AHNAK: variants seen among roughly 807,000 people sequenced by gnomAD.
The protein encoded by AHNAK is neuroblast differentiation-associated protein AHNAK.
In AHNAK, 23 loss-of-function variants were observed where a neutral mutation model predicts 37.8. The ratio of observed to expected loss-of-function variants is 0.61; its 90% CI spans 0.44 to 0.86. The LOEUF is 0.86. AHNAK is among the 40% of genes least tolerant of loss of function. The pLI is 0.00. For synonymous variants in AHNAK, 2,481 were observed against 2,636.3 expected (o/e 0.94, Z 1.80); for missense variants, 7,411 against 7,319.4 (o/e 1.01, Z -0.46).
Position 62,530,715 on chromosome 11 carries a change from G to A in AHNAK, c.3702C>T (p.Pro1234=). 2 of 1,613,526 alleles carry A rather than the reference G, an allele frequency of 1.2e-6. No homozygotes were observed. The highest frequency in any genetic ancestry group is 1.7e-6 in the Non-Finnish European group (2 of 1,179,922). The change falls in exon 5 of 5, where the codon CCC becomes CCT. Residue 1234 remains proline (P), a synonymous_variant. Transcript: ENST00000378024. ...CATCTGGGGCATCAATGTCCATTTT[G>A]GGTCCTTTGATTTCAACATCTGGCA... ...MKVPDVEIKG[P]KMDIDAPDVE... is the part of the protein sequence containing the mutation.
Position 62,518,083 on chromosome 11 carries a change from G to A in AHNAK, c.16334C>T (p.Pro5445Leu). ...GTCCACATTCGGTGCTGAAATCCGAGGCCCTTTCAGGTTCACATCCACACC... is the reference window on the plus strand; with the variant it reads ...GTCCACATTCGGTGCTGAAATCCGAAGCCCTTTCAGGTTCACATCCACACC... ...GPGVDVNLKG[P>L]RISAPNVDFN... The change falls in exon 5 of 5, where the codon CCT becomes CTT. Residue 5445 changes from proline (P) to leucine (L), a missense_variant. Physicochemically the swap from Pro to Leu is moderately conservative, Grantham distance 98. Transcript: ENST00000378024. 1 of 1,614,164 alleles carries A rather than the reference G, an allele frequency of 6.2e-7. No individual in the cohort carries two copies. The highest frequency in any genetic ancestry group is 8.5e-7 in the Non-Finnish European group (1 of 1,180,028).
intron 5 of AHNAK, among the ~76,000 whole-genome samples, chr11:62,439,062 T>G (rs1253228690): frequency 6.7e-6 from 1 of 149,886 alleles, no homozygotes; most frequent in African/African-American, 2.4e-5. Flanking sequence ...AGGAGAGGGA[T>G]GGACACCCAT....
chr11:62,460,556 T>C (rs1322545535), intron 5 of AHNAK, among the ~76,000 whole-genome samples: 1 of 152,188 alleles, frequency 6.6e-6, no homozygotes, highest in East Asian at 1.9e-4. Context: ...TTGGGTTGTA[T>C]GAAATAATTG....
chr11:62,444,744 C>T (rs1938389390), intron 5 of AHNAK, among the ~76,000 whole-genome samples: 1 of 152,206 alleles, frequency 6.6e-6, no homozygotes. Context: ...TACCTGATTT[C>T]ATCTGGGCAG....
rs80204399 is a variant in AHNAK at position 62,520,658 on chromosome 11, G to T, written c.13759C>A (p.His4587Asn). The change falls in exon 5 of 5, where the codon CAC becomes AAC. Residue 4587 changes from histidine to asparagine, a missense_variant. Coordinates refer to ENST00000378024, the MANE Select transcript of AHNAK (RefSeq NM_001620.3). ...KGPKFKMPDL[H>N]LKAPKISMPE... is the part of the protein sequence containing the mutation. ...ATAGAGATCTTCGGTGCCTTGAGGT[G>T]TAAGTCAGGCATTTTAAATTTGGGG... is the stretch of plus-strand genomic sequence containing the variant. 1.2e-6 allele frequency: 2 copies of T among 1,613,938 alleles called. No homozygotes were observed. Among genetic ancestry groups the T allele is most frequent in the Admixed American group, 1.7e-5 (1 of 60,006 alleles).
intron 4 of AHNAK, among the ~76,000 whole-genome samples, chr11:62,498,598 TAAA>T (rs753394652): frequency 2.5e-5 from 3 of 120,890 alleles, no homozygotes; most frequent in African/African-American, 6.1e-5. Context: ...AGACTCACTC[TAAA>T]AAAAAAAAAA....
chr11:62,463,222 A>G (rs1349817732), intron 5 of AHNAK, among the ~76,000 whole-genome samples: 1 of 151,862 alleles, frequency 6.6e-6, no homozygotes, highest in Non-Finnish European at 1.5e-5. Context: ...CATTTTAACC[A>G]TATTCCAGGA....
In AHNAK at chr11:62,520,713, G is replaced by A. The variant is rs12794015; in HGVS notation, c.13704C>T (p.Asp4568=). 6.2e-7 allele frequency: 1 copy of A among 1,614,016 alleles called. No individual in the cohort carries two copies. The highest frequency in any genetic ancestry group is 8.5e-7 in the Non-Finnish European group (1 of 1,180,002). Residue 4568 remains aspartate, a synonymous_variant, in exon 5 of 5, where the codon GAC becomes GAT. Coordinates refer to ENST00000378024, the MANE Select transcript of AHNAK (RefSeq NM_001620.3). ...TCAGTTTCCCTTCTGGACCATGAATGTCAATATCAGGAGTGTCAATGCCCA... is the reference window on the plus strand; with the variant it reads ...TCAGTTTCCCTTCTGGACCATGAATATCAATATCAGGAGTGTCAATGCCCA... ...PKVGIDTPDI[D]IHGPEGKLKG... is the part of the protein sequence containing the mutation.
Position 62,517,451 on chromosome 11 carries a change from C to G in AHNAK, c.16966G>C (p.Val5656Leu). 6.2e-7 allele frequency: 1 copy of G among 1,614,152 alleles called. No individual in the cohort carries two copies. The highest frequency in any genetic ancestry group is 1.1e-5 in the South Asian group (1 of 91,076). ...GGGATCTTCATTTTAGGGAATGTTA[C>G]TTTTCCAGATCCACTTTCCAAGTGA... ...QGHLESGSGK[V>L]TFPKMKIPKF... Residue 5656 changes from valine to leucine, a missense_variant, in exon 5 of 5, where the codon GTA becomes CTA. Physicochemically the swap from Val to Leu is conservative, Grantham distance 32. Coordinates refer to ENST00000378024, the MANE Select transcript of AHNAK (RefSeq NM_001620.3).
chr11:62,473,084 C>CAAAAAAAA lies in AHNAK; in HGVS notation c.442+18640_442+18647dup, dbSNP rs71056522. On this transcript the variant is annotated intron_variant, in intron 5 of 5. Coordinates refer to the AHNAK transcript ENST00000257247. ...TGGGCAACAGAGCAAGACTCCATCT[C>CAAAAAAAA]AAAAAAAAAAAAAAAAAAAAAAAAA... Among the ~76,000 whole-genome samples the CAAAAAAAA allele has an allele frequency of 2.3e-4, 4 of 17,294 alleles. 2 individuals are homozygous for CAAAAAAAA. Among genetic ancestry groups the CAAAAAAAA allele is most frequent in the African/African-American group, 1.1e-3 (4 of 3,668 alleles). The allele number at this position is 17,294 out of a possible 152,430, so 11.3% of individuals were successfully genotyped here.
intron 5 of AHNAK, among the ~76,000 whole-genome samples, chr11:62,462,552 T>C (rs1938815497): frequency 6.6e-6 from 1 of 152,216 alleles, no homozygotes; most frequent in African/African-American, 2.4e-5. Flanking sequence ...AACTAAGTTT[T>C]ACAGGTTAGA....
chr11:62,462,805 G>A (rs557573095), intron 5 of AHNAK, among the ~76,000 whole-genome samples: 1 of 152,282 alleles, frequency 6.6e-6, no homozygotes, highest in African/African-American at 2.4e-5. Context: ...AATAGATGAG[G>A]ATGGAGGAGC....
chr11:62,506,043 G>T (rs1264334347), intron 4 of AHNAK, among the ~76,000 whole-genome samples: 1 of 147,496 alleles, frequency 6.8e-6, no homozygotes, highest in Non-Finnish European at 1.5e-5. Context: ...AAAAGGCGGG[G>T]GTGGGGGGAT....
rs1231064664 is a variant in AHNAK, at chr11:62,524,582, G to A, written c.9835C>T (p.Pro3279Ser). Residue 3279 changes from proline to serine, a missense_variant, in exon 5 of 5, where the codon CCA (proline) becomes TCA (serine). Coordinates refer to ENST00000378024, the MANE Select transcript of AHNAK (RefSeq NM_001620.3). ...TGCATGTCAGGCATCTTCAGTTTTG[G>A]ACCTTTTAATTTGGCATCTGGGCCA... ...IHGPDAKLKGPKLKMPDMHVN... is the reference protein window; with the variant it reads ...IHGPDAKLKGSKLKMPDMHVN... 5.6e-6 allele frequency: 9 copies of A among 1,613,836 alleles called. No homozygotes were observed. Among genetic ancestry groups the A allele is most frequent in the Non-Finnish European group, 7.6e-6 (9 of 1,179,944 alleles).
At chr11:62,514,459 G>C (rs372471086), downstream of AHNAK, among the ~76,000 whole-genome samples, 197 of 152,352 alleles carry the variant, frequency 1.3e-3, no homozygotes, top group African/African-American at 4.4e-3. Flanking sequence ...CACGGCTGGA[G>C]TGTGCGTGTA....
intron 5 of AHNAK, among the ~76,000 whole-genome samples, chr11:62,474,146 G>A (rs1313542751): frequency 1.3e-5 from 2 of 150,694 alleles, no homozygotes; most frequent in Non-Finnish European, 3.0e-5. Context: ...GAAATGCAAT[G>A]ACAAATCAGA....
At position 62,521,510 on chromosome 11, in the gene AHNAK, G is replaced by C; in HGVS notation, c.12907C>G (p.Pro4303Ala). The C allele has an allele frequency of 6.2e-7, 1 of 1,612,656 alleles. No homozygotes were observed. The highest frequency in any genetic ancestry group is 1.1e-5 in the South Asian group (1 of 91,006). ...IKGPKVDIDA[P>A]DVDVHGPDWH... ...TCTGGGCCATGAACATCTACATCAG[G>C]GGCATCGATGTCCACTTTGGGGCCC... The change falls in exon 5 of 5, where the codon CCT becomes GCT. Residue 4303 changes from proline (P) to alanine (A), a missense_variant. Coordinates refer to ENST00000378024, the MANE Select transcript of AHNAK (RefSeq NM_001620.3).
At chr11:62,477,289 G>T (rs1382536144) in intron 5 of AHNAK, among the ~76,000 whole-genome samples, 1 of 152,160 alleles carries the variant, frequency 6.6e-6, no homozygotes, top group Non-Finnish European at 1.5e-5. Context: ...ATAAAGATGT[G>T]TTTGAGCCTA....
At chr11:62,546,083 CG>C in intron 1 of AHNAK, 1 of 153,254 alleles carries the variant, frequency 6.5e-6, no homozygotes, top group Non-Finnish European at 1.5e-5. Flanking sequence ...AAGGCTAGGG[CG>C]GGGCAGCTGG....
Sources: allele counts gnomAD v4.1 joint callset (sites outside exome capture counted in the v4.1 genomes callset), GRCh38; gene constraint gnomAD v4.1.1; transcripts MANE v1.5; gene names NCBI Gene and HGNC (gene_info 2026-07-23, HGNC 2026-07-21).